The following PRKN variants were observed in gnomAD, a reference collection of about 807,000 sequenced individuals.
The protein encoded by PRKN is parkin RBR E3 ubiquitin protein ligase, also known as E3 ubiquitin-protein ligase parkin.
In PRKN, 56 loss-of-function variants were observed where a neutral mutation model predicts 59.5. The observed-to-expected ratio is 0.94, with a 90% CI of 0.76 to 1.18. The LOEUF is 1.18. Among genes scored for constraint, PRKN ranks in the 50% most tolerant of loss-of-function variants. The pLI, the probability that PRKN is intolerant of heterozygous loss-of-function variation, is 0.00. For missense variants in PRKN, 657 were observed against 596.4 expected (o/e 1.10, Z -1.06); for synonymous variants, 250 against 222.1 (o/e 1.13, Z -1.12).
At chr6:162,109,788 C>A (rs1019774667) in intron 4 of PRKN, among the ~76,000 whole-genome samples, 2 of 152,296 alleles carry the variant, frequency 1.3e-5, no homozygotes. Context: ...CTTTTTATTT[C>A]ATTTACCGCC....
intron 1 of PRKN, among the ~76,000 whole-genome samples, chr6:162,470,768 T>G (rs1014799449): frequency 2.6e-5 from 4 of 152,118 alleles, no homozygotes; most frequent in African/African-American, 9.7e-5. Context: ...TATTTATTTG[T>G]TTTTTTGAGA....
intron 1 of PRKN, among the ~76,000 whole-genome samples, chr6:162,642,996 G>T (rs925668385): frequency 2.0e-5 from 3 of 152,042 alleles, no homozygotes; most frequent in African/African-American, 7.2e-5. Flanking sequence ...TAAAAGTTTT[G>T]TATATCCTTA....
intron 9 of PRKN, among the ~76,000 whole-genome samples, chr6:161,507,449 A>C (rs1055796190): frequency 3.3e-5 from 5 of 152,210 alleles, no homozygotes; most frequent in African/African-American, 7.2e-5. Context: ...CTGCCTGTAC[A>C]TGGCCCAATT....
chr6:161,977,672 A>G (rs1781098110), intron 5 of PRKN, among the ~76,000 whole-genome samples: 1 of 149,342 alleles, frequency 6.7e-6, no homozygotes, highest in African/African-American at 2.5e-5. Context: ...TCAGCCTCCC[A>G]AGTAGCTGGG....
intron 7 of PRKN, among the ~76,000 whole-genome samples, chr6:161,652,396 T>A (rs1314049439): frequency 6.6e-6 from 1 of 152,138 alleles, no homozygotes; most frequent in East Asian, 1.9e-4. Context: ...GAAACGGATA[T>A]GATATAATCA....
intron 3 of PRKN, among the ~76,000 whole-genome samples, chr6:162,237,948 T>G (rs1485129819): frequency 3.3e-5 from 5 of 152,080 alleles, no homozygotes; most frequent in African/African-American, 1.2e-4. Context: ...TATTACATTA[T>G]CCAGGTAGAG....
At chr6:161,555,321 T>C (rs1780192893) in intron 8 of PRKN, among the ~76,000 whole-genome samples, 1 of 152,230 alleles carries the variant, frequency 6.6e-6, no homozygotes, top group South Asian at 2.1e-4. Flanking sequence ...TCCATAAGGA[T>C]GCTATTTTGT....
intron 7 of PRKN, among the ~76,000 whole-genome samples, chr6:161,690,893 G>T (rs891644162): frequency 6.6e-6 from 1 of 152,060 alleles, no homozygotes; most frequent in Non-Finnish European, 1.5e-5. Flanking sequence ...CTCCATAAAC[G>T]CAAGAACCAA....
chr6:161,909,837 A>ATGACC (rs1778288479), intron 6 of PRKN, among the ~76,000 whole-genome samples: 1 of 152,246 alleles, frequency 6.6e-6, no homozygotes, highest in South Asian at 2.1e-4. Context: ...CAATGCTTTC[A>ATGACC]TGACCTAACG....
chr6:162,501,061 G>A (rs992843666), intron 1 of PRKN, among the ~76,000 whole-genome samples: 3 of 152,110 alleles, frequency 2.0e-5, no homozygotes, highest in Non-Finnish European at 4.4e-5. Flanking sequence ...CAACAACTCA[G>A]GGAGGTTGTG....
At chr6:162,063,198 G>A (rs545367161) in intron 4 of PRKN, among the ~76,000 whole-genome samples, 26 of 152,208 alleles carry the variant, frequency 1.7e-4, no homozygotes, top group Admixed American at 1.2e-3. Context: ...GAAAATATTA[G>A]TAATACATAT....
Position 161,869,378 on chromosome 6 carries a change from C to G in PRKN, c.735-83470G>C, listed in dbSNP as rs138707072. Among the ~76,000 whole-genome samples the G allele has an allele frequency of 8.0e-3, 1,205 of 150,934 alleles. 16 individuals are homozygous for G. Among genetic ancestry groups the G allele is most frequent in the African/African-American group, 0.027 (1,121 of 40,782 alleles). On this transcript the variant is annotated intron_variant, in intron 6 of 11. Transcript: ENST00000366898. ...TGAGCGACAGAGCAAGACTCCATCT[C>G]AAATAAAAAATAAAAATAAAATAAA...
rs78328848 is a variant in PRKN, at chr6:162,284,953, A to G, written c.172-22188T>C. On this transcript the variant is annotated intron_variant, in intron 2 of 11. Coordinates refer to ENST00000366898, the MANE Select transcript of PRKN (RefSeq NM_004562.3). ...GAGGTAACCAAGTTAAAATGTCAGC[A>G]TTAGGGTGGGTCTTATCTAACATGA... 1.3e-3 allele frequency among the ~76,000 whole-genome samples: 203 copies of G among 152,232 alleles called. 2 individuals are homozygous for G. Among genetic ancestry groups the G allele is most frequent in the East Asian group, 2.3e-3 (12 of 5,164 alleles).
intron 4 of PRKN, among the ~76,000 whole-genome samples, chr6:162,117,808 C>T (rs910347565): frequency 2.0e-5 from 3 of 152,156 alleles, no homozygotes. Context: ...TAAAAGTAAA[C>T]ATTTTTGGGC....
chr6:162,119,549 C>G (rs1354281222), intron 4 of PRKN, among the ~76,000 whole-genome samples: 2 of 152,160 alleles, frequency 1.3e-5, no homozygotes, highest in Non-Finnish European at 1.5e-5. Context: ...TTATTCCTGT[C>G]TGCTTGCGGT....
intron 9 of PRKN, among the ~76,000 whole-genome samples, chr6:161,479,274 A>G (rs1251094222): frequency 6.6e-6 from 1 of 152,030 alleles, no homozygotes; most frequent in Non-Finnish European, 1.5e-5. Context: ...ATAAAACACT[A>G]TCTACGCATT....
chr6:162,653,483 C>T (rs1397258292), intron 1 of PRKN, among the ~76,000 whole-genome samples: 1 of 152,034 alleles, frequency 6.6e-6, no homozygotes, highest in East Asian at 1.9e-4. Context: ...TAGAAAATTT[C>T]TCTGGAATTA....
chr6:161,811,113 TATA>T (rs1791540109), intron 6 of PRKN, among the ~76,000 whole-genome samples: 1 of 152,172 alleles, frequency 6.6e-6, no homozygotes, highest in Admixed American at 6.5e-5. Flanking sequence ...TATATGGAAA[TATA>T]ATGATCTGTA....
chr6:162,144,024 A>G (rs1351278378), intron 4 of PRKN, among the ~76,000 whole-genome samples: 1 of 152,208 alleles, frequency 6.6e-6, no homozygotes, highest in Non-Finnish European at 1.5e-5. Context: ...ATTTAAAGAA[A>G]TCTACATATT....
Sources: allele counts gnomAD v4.1 joint callset (sites outside exome capture counted in the v4.1 genomes callset), GRCh38; gene constraint gnomAD v4.1.1; transcripts MANE v1.5; gene names NCBI Gene and HGNC (gene_info 2026-07-23, HGNC 2026-07-21).